Variants in SLC26A6 observed in about 807,000 individuals in gnomAD.
The protein encoded by SLC26A6 is anion exchange transporter.
Under a neutral mutation model 87.1 loss-of-function variants are expected in SLC26A6, and 67 were observed. The ratio of observed to expected loss-of-function variants is 0.77; its 90% confidence interval spans 0.63 to 0.94. SLC26A6 has a LOEUF of 0.94. SLC26A6 is among the 40% of genes least tolerant of loss of function. The probability of loss-of-function intolerance (pLI) is 0.00; values close to 1 mark genes in which losing one functional copy is unlikely to be tolerated. For synonymous variants in SLC26A6, 414 were observed against 405.9 expected (o/e 1.02, Z -0.24); for missense variants, 902 against 973.0 (o/e 0.93, Z 0.97).
Position 48,632,012 on chromosome 3 carries a change from C to G in SLC26A6, c.618G>C (p.Val206=). 2 of 1,613,378 alleles carry G rather than the reference C, an allele frequency of 1.2e-6. No individual in the cohort carries two copies. Among genetic ancestry groups the G allele is most frequent in the Middle Eastern group, 1.7e-4 (1 of 6,060 alleles). The change falls in exon 6 of 21, where the codon GTG becomes GTC. Residue 206 remains valine, a synonymous_variant. Transcript: ENST00000395550. ...CAAGAGGTTCTGACAGGTAGGTGACCACGAAGCCGAAGTGGATCAGGCCCA... is the reference window on the plus strand; with the variant it reads ...CAAGAGGTTCTGACAGGTAGGTGACGACGAAGCCGAAGTGGATCAGGCCCA... ...VGLGLIHFGF[V]VTYLSEPLVR...
Position 48,631,080 on chromosome 3 carries a change from G to A in SLC26A6, c.1047C>T (p.Phe349=), listed in dbSNP as rs771586022. ...QLFSKLVGSA[F]TIAVVGFAIA... Reference sequence around the variant, plus strand: ...TGGCAAACCCAACCACAGCGATGGTGAAGGCGCTGCCCACGAGCTTTGAGA... The same window carrying A: ...TGGCAAACCCAACCACAGCGATGGTAAAGGCGCTGCCCACGAGCTTTGAGA... The change falls in exon 9 of 21, where the codon TTC becomes TTT. Residue 349 remains phenylalanine, a synonymous_variant. Coordinates refer to ENST00000395550, the MANE Select transcript of SLC26A6 (RefSeq NM_022911.3). 21 of 1,613,658 alleles carry A rather than the reference G, an allele frequency of 1.3e-5. No homozygotes were observed. The highest frequency in any genetic ancestry group is 1.4e-5 in the Non-Finnish European group (17 of 1,180,052).
Position 48,632,232 on chromosome 3 carries a change from G to T in SLC26A6, c.585+13C>A. On this transcript the variant is annotated intron_variant, in intron 5 of 20. Coordinates refer to ENST00000395550, the MANE Select transcript of SLC26A6 (RefSeq NM_022911.3). ...GTGGTGGTGGGGGGCACATACTCCT[G>T]ACTGTTCCACACCTGGAAGAGGCCA... 6.3e-7 allele frequency: 1 copy of T among 1,586,100 alleles called. No individual in the cohort carries two copies. The highest frequency in any genetic ancestry group is 8.6e-7 in the Non-Finnish European group (1 of 1,165,394).
chr3:48,626,821 A>C, intron 18 of SLC26A6, 55 bp downstream of exon 18: 1 of 1,605,718 alleles, frequency 6.2e-7, no homozygotes, highest in South Asian at 1.1e-5. Flanking sequence ...CTCTCAGGGC[A>C]AATTACAGGG....
chr3:48,635,180 G>A (rs2046921900), intron 1 of SLC26A6, among the ~76,000 whole-genome samples, 191 bp downstream of exon 1: 1 of 152,246 alleles, frequency 6.6e-6, no homozygotes, highest in Admixed American at 6.5e-5. Flanking sequence ...CACAGCCCAA[G>A]GGACTGGGGT....
chr3:48,631,078 G>A lies in SLC26A6; in HGVS notation c.1049C>T (p.Thr350Ile). The change falls in exon 9 of 21, where the codon ACC becomes ATC. Residue 350 changes from threonine (T) to isoleucine (I), a missense_variant. Thr to Ile is a moderately conservative substitution (Grantham distance 89). Around this residue, in one of 3 missense-constraint regions of SLC26A6, gnomAD observed 800 missense variants for 856.8 expected, o/e 0.93. Transcript: ENST00000395550. The part of the protein sequence containing the change: ...LFSKLVGSAF[T>I]IAVVGFAIAI... ...AATGGCAAACCCAACCACAGCGATGGTGAAGGCGCTGCCCACGAGCTTTGA... is the reference window on the plus strand; with the variant it reads ...AATGGCAAACCCAACCACAGCGATGATGAAGGCGCTGCCCACGAGCTTTGA... The A allele has an allele frequency of 5.0e-6, 8 of 1,613,808 alleles. No individual in the cohort carries two copies. The highest frequency in any genetic ancestry group is 2.2e-5 in the South Asian group (2 of 91,088).
Position 48,626,665 on chromosome 3 carries a change from C to A in SLC26A6, c.2094G>T (p.Glu698Asp), listed in dbSNP as rs1397102207. The A allele has an allele frequency of 1.2e-6, 2 of 1,614,202 alleles. No individual in the cohort carries two copies. Among genetic ancestry groups the A allele is most frequent in the South Asian group, 2.2e-5 (2 of 91,080 alleles). ...SLKNIFHDFR[E>D]IEVEVYMAAC... Reference sequence around the variant, plus strand: ...CCGCCATGTACACCTCCACCTCAATCTCCCGGAAGTCATGGAAAATCTGTA... The same window carrying A: ...CCGCCATGTACACCTCCACCTCAATATCCCGGAAGTCATGGAAAATCTGTA... Residue 698 changes from glutamate (E) to aspartate (D), a missense_variant, in exon 19 of 21, where the codon GAG becomes GAT. By Grantham distance (45) the Glu-to-Asp change is conservative. This residue lies in a region of SLC26A6 where 99 missense variants were observed against 100.1 expected (regional missense o/e 0.99). Transcript: ENST00000395550.
At position 48,627,964 on chromosome 3, in the gene SLC26A6, A is replaced by C; in HGVS notation, c.1875T>G (p.Val625=). Residue 625 remains valine, a synonymous_variant, in exon 17 of 21, where the codon GTT becomes GTG. Transcript: ENST00000395550. ...TSLEDMRSNN[V]EDCKMMQVSS... is the part of the protein sequence containing the mutation. Reference sequence around the variant, plus strand: ...GTCTCACCATCATCTTGCAGTCCTCAACGTTGTTGCTCCTCATGTCTTCAA... The same window carrying C: ...GTCTCACCATCATCTTGCAGTCCTCCACGTTGTTGCTCCTCATGTCTTCAA... The C allele has an allele frequency of 1.9e-6, 3 of 1,593,092 alleles. No individual in the cohort carries two copies. The highest frequency in any genetic ancestry group is 2.6e-6 in the Non-Finnish European group (3 of 1,173,632).
chr3:48,635,071 C>T (rs2046918274), intron 1 of SLC26A6, among the ~76,000 whole-genome samples: 1 of 152,216 alleles, frequency 6.6e-6, no homozygotes, highest in African/African-American at 2.4e-5. Context: ...CCGTGCCCCA[C>T]GCACCCCCGC....
chr3:48,630,241 C>T, intron 11 of SLC26A6, 84 bp from the exon 12 acceptor site: 1 of 1,499,558 alleles, frequency 6.7e-7, no homozygotes, highest in Non-Finnish European at 9.2e-7. Context: ...CCAGACTAAG[C>T]CCAAGCACTC....
chr3:48,626,114 G>C, intron 20 of SLC26A6, 104 bp downstream of exon 20: 2 of 1,611,054 alleles, frequency 1.2e-6, no homozygotes, highest in South Asian at 2.2e-5. Flanking sequence ...GCCCACTGGG[G>C]ACAGAGCCAT....
Position 48,625,954 on chromosome 3 carries a change from A to T in SLC26A6, c.*32T>A. On this transcript the variant is annotated 3_prime_UTR_variant, in exon 21 of 21. Transcript: ENST00000395550. The surrounding 1 kb of genome is among the most constrained non-coding windows in gnomAD (Gnocchi z 4.7). Reference sequence around the variant, plus strand: ...CTTCTCAAGGGTGCCCTGCACCTCCAGAGGTGCAGTCTTGGGCAGGATGTA... The same window carrying T: ...CTTCTCAAGGGTGCCCTGCACCTCCTGAGGTGCAGTCTTGGGCAGGATGTA... The T allele has an allele frequency of 6.2e-7, 1 of 1,613,392 alleles. No individual in the cohort carries two copies. The highest frequency in any genetic ancestry group is 1.1e-5 in the South Asian group (1 of 90,980).
At chr3:48,634,693 C>A in intron 1 of SLC26A6, 2 of 984,226 alleles carry the variant, frequency 2.0e-6, no homozygotes, top group Non-Finnish European at 1.2e-6. Context: ...AAAGCCCTGA[C>A]CTGGGGAGAG....
At chr3:48,629,290 G>A (rs1255779871) in intron 14 of SLC26A6, among the ~76,000 whole-genome samples, 1 of 152,162 alleles carries the variant, frequency 6.6e-6, no homozygotes, top group Non-Finnish European at 1.5e-5. Context: ...GATGACTGAG[G>A]ACTTAGTAAC....
chr3:48,631,150 G>A lies in SLC26A6; in HGVS notation c.987-10C>T. Reference sequence around the variant, plus strand: ...CACTGGGGGCACCAGCCTGTGAGAGGTATCTGTGAGGCCAAAGCAAGGTCC... The same window carrying A: ...CACTGGGGGCACCAGCCTGTGAGAGATATCTGTGAGGCCAAAGCAAGGTCC... On this transcript the variant is annotated splice_polypyrimidine_tract_variant and intron_variant, in intron 8 of 20. Transcript: ENST00000395550. The A allele has an allele frequency of 1.9e-6, 3 of 1,613,684 alleles. No individual in the cohort carries two copies. The highest frequency in any genetic ancestry group is 1.1e-5 in the South Asian group (1 of 91,082).
rs182084217 is a variant in SLC26A6, at chr3:48,625,734, A to G, written c.*252T>C. 6.7e-4 allele frequency: 399 copies of G among 595,408 alleles called. 3 individuals are homozygous for G. Among genetic ancestry groups the G allele is most frequent in the African/African-American group, 6.3e-3 (344 of 54,180 alleles). The allele number at this position is 595,408 out of a possible 1,614,324, so 36.9% of individuals were successfully genotyped here. On this transcript the variant is annotated 3_prime_UTR_variant, in exon 21 of 21. Coordinates refer to ENST00000395550, the MANE Select transcript of SLC26A6 (RefSeq NM_022911.3). This position sits in a 1 kb window ranked among gnomAD's most constrained non-coding sequence, Gnocchi z 4.7. ...AGCAGAGACTGGAGTTGAGCAGACA[A>G]ATCTTTATTCCTGAGGCTAAAATAT...
Position 48,633,303 on chromosome 3 carries a change from G to C in SLC26A6, c.270C>G (p.Leu90=). The C allele has an allele frequency of 6.2e-7, 1 of 1,613,590 alleles. No homozygotes were observed. The highest frequency in any genetic ancestry group is 8.5e-7 in the Non-Finnish European group (1 of 1,180,012). ...TCAGGCCGGATAACAGGTCACCCAG[G>C]AGCCAGTCACGCACAGGATACCGGG... ...WLPRYPVRDW[L]LGDLLSGLSV... Residue 90 remains leucine (L), a synonymous_variant, in exon 3 of 21, where the codon CTC becomes CTG. Coordinates refer to ENST00000395550, the MANE Select transcript of SLC26A6 (RefSeq NM_022911.3).
At chr3:48,634,751 G>A (rs1042668183) in intron 1 of SLC26A6, 2 of 985,376 alleles carry the variant, frequency 2.0e-6, no homozygotes, top group Admixed American at 6.1e-5. Context: ...CCTCTAACCT[G>A]GCTGTACTGT....
rs200099722 is a variant in SLC26A6 at position 48,632,015 on chromosome 3, G to A, written c.615C>T (p.Phe205=). 9 of 1,613,264 alleles carry A rather than the reference G, an allele frequency of 5.6e-6. No individual in the cohort carries two copies. Among genetic ancestry groups the A allele is most frequent in the South Asian group, 1.1e-5 (1 of 91,082 alleles). ...GAGGTTCTGACAGGTAGGTGACCAC[G>A]AAGCCGAAGTGGATCAGGCCCAGCC... ...QVGLGLIHFG[F]VVTYLSEPLV... The change falls in exon 6 of 21, where the codon TTC becomes TTT. Residue 205 remains phenylalanine, a synonymous_variant. Coordinates refer to ENST00000395550, the MANE Select transcript of SLC26A6 (RefSeq NM_022911.3).
At chr3:48,630,361 C>A in intron 11 of SLC26A6, 77 bp downstream of exon 11, 1 of 1,473,860 alleles carries the variant, frequency 6.8e-7, no homozygotes, top group South Asian at 1.2e-5. Flanking sequence ...GTCCCCACCC[C>A]TCGCCTGAAC....
Sources: allele counts gnomAD v4.1 joint callset (sites outside exome capture counted in the v4.1 genomes callset), GRCh38; gene constraint gnomAD v4.1.1; regional missense constraint gnomAD v4.1.1; non-coding constraint Gnocchi (gnomAD v3.1); transcripts MANE v1.5; gene names NCBI Gene and HGNC (gene_info 2026-07-23, HGNC 2026-07-21).